The following VDAC1 variants were observed in gnomAD, a reference collection of about 807,000 sequenced individuals.
VDAC1 encodes voltage dependent anion channel 1, also known as non-selective voltage-gated ion channel VDAC1.
In VDAC1, 10 loss-of-function variants were observed where a neutral mutation model predicts 34.7. That is an observed-to-expected ratio of 0.29 (90% confidence interval 0.18 to 0.49). VDAC1 has a LOEUF of 0.49. VDAC1 is among the 20% of genes least tolerant of loss of function. The pLI is 0.99. For synonymous variants in VDAC1, 130 were observed against 136.0 expected (o/e 0.96, Z 0.30); for missense variants, 230 against 347.9 (o/e 0.66, Z 2.69).
the VDAC1 span, among the ~76,000 whole-genome samples, chr5:134,108,142 A>G: frequency 6.6e-6 from 1 of 152,138 alleles, no homozygotes; most frequent in Non-Finnish European, 1.5e-5. Context: ...TGGATTAGGA[A>G]GAGACCAGGA....
chr5:134,045,639 G>A, the VDAC1 span, among the ~76,000 whole-genome samples: 3 of 151,864 alleles, frequency 2.0e-5, no homozygotes, highest in Non-Finnish European at 4.4e-5. Context: ...CATTGGGTCT[G>A]CCTGAATAAT....
chr5:133,983,681 C>T (rs138009223), intron 5 of VDAC1, among the ~76,000 whole-genome samples: 105 of 152,248 alleles, frequency 6.9e-4, no homozygotes, highest in African/African-American at 1.9e-3. Flanking sequence ...AGAGTGACAC[C>T]GTCTTGAAAC....
intron 1 of VDAC1, among the ~76,000 whole-genome samples, chr5:133,996,381 A>G (rs1197420886): frequency 6.6e-6 from 1 of 152,176 alleles, no homozygotes; most frequent in Non-Finnish European, 1.5e-5. Flanking sequence ...TGCAAGCCCC[A>G]TTCCAGCTGA....
At chr5:134,060,117 C>G in the VDAC1 span, among the ~76,000 whole-genome samples, 1 of 151,892 alleles carries the variant, frequency 6.6e-6, no homozygotes, top group African/African-American at 2.4e-5. Flanking sequence ...GATACAGACT[C>G]TAATGAGCAC....
chr5:134,093,817 G>A, the VDAC1 span, among the ~76,000 whole-genome samples: 1 of 152,172 alleles, frequency 6.6e-6, no homozygotes, highest in African/African-American at 2.4e-5. Flanking sequence ...CCAGAGGACT[G>A]AGCCCAGGAA....
chr5:134,014,277 G>C, the VDAC1 span, among the ~76,000 whole-genome samples: 1 of 152,136 alleles, frequency 6.6e-6, no homozygotes, highest in Admixed American at 6.5e-5. Flanking sequence ...ATGACAGAGT[G>C]AGACTCCGTC....
At chr5:134,017,805 C>T in the VDAC1 span, among the ~76,000 whole-genome samples, 3 of 152,162 alleles carry the variant, frequency 2.0e-5, no homozygotes, top group East Asian at 1.9e-4. Flanking sequence ...CCCAGCTACT[C>T]GAGAGGCTGA....
At chr5:133,983,826 A>G (rs182784239) in intron 5 of VDAC1, among the ~76,000 whole-genome samples, 50 of 152,210 alleles carry the variant, frequency 3.3e-4, no homozygotes, top group Non-Finnish European at 5.6e-4. Context: ...TGTCCTCCCA[A>G]TAATGAGTTA....
chr5:133,992,274 T>C, intron 3 of VDAC1, 32 bp downstream of exon 3: 1 of 1,392,326 alleles, frequency 7.2e-7, no homozygotes, highest in Non-Finnish European at 9.4e-7. Context: ...AATAAATAAA[T>C]ACTCATGTTC....
chr5:134,048,185 G>T, the VDAC1 span, among the ~76,000 whole-genome samples: 4 of 152,002 alleles, frequency 2.6e-5, no homozygotes, highest in Non-Finnish European at 4.4e-5. Context: ...AGCCAGGATG[G>T]TCTTGATCTC....
the VDAC1 span, among the ~76,000 whole-genome samples, chr5:134,054,458 C>CTTCCTTTT: frequency 8.1e-6 from 1 of 123,544 alleles, no homozygotes; most frequent in African/African-American, 3.1e-5. Context: ...TCCTTCCTTC[C>CTTCCTTTT]TTTTTTTTTT....
the VDAC1 span, among the ~76,000 whole-genome samples, chr5:134,070,604 G>A: frequency 5.9e-5 from 9 of 152,110 alleles, no homozygotes; most frequent in Admixed American, 1.3e-4. Flanking sequence ...TTTCCTTCCA[G>A]TCTTTTTTCC....
chr5:134,100,295 G>C, the VDAC1 span, among the ~76,000 whole-genome samples: 4 of 152,230 alleles, frequency 2.6e-5, no homozygotes, highest in Non-Finnish European at 4.4e-5. Context: ...AAACCAGCCA[G>C]AGCTACCTTC....
At chr5:134,069,178 A>C in the VDAC1 span, among the ~76,000 whole-genome samples, 1 of 152,186 alleles carries the variant, frequency 6.6e-6, no homozygotes, top group Non-Finnish European at 1.5e-5. Flanking sequence ...TACAGTAATA[A>C]TCTGCCAAAT....
At chr5:134,018,434 G>A in the VDAC1 span, among the ~76,000 whole-genome samples, 4 of 152,310 alleles carry the variant, frequency 2.6e-5, no homozygotes, top group Non-Finnish European at 5.9e-5. Flanking sequence ...TCCAACATGA[G>A]ATTTGGAGGA....
At chr5:134,092,793 G>T in the VDAC1 span, among the ~76,000 whole-genome samples, 1 of 152,106 alleles carries the variant, frequency 6.6e-6, no homozygotes, top group Non-Finnish European at 1.5e-5. Flanking sequence ...AAGGAACAAA[G>T]GTATTATACT....
At chr5:133,976,148 G>C in intron 6 of VDAC1, 127 bp from the exon 7 acceptor site, 1 of 1,169,350 alleles carries the variant, frequency 8.6e-7, no homozygotes, top group Non-Finnish European at 1.2e-6. Flanking sequence ...GGTATTAAGG[G>C]AAGTCAGAAG....
the VDAC1 span, among the ~76,000 whole-genome samples, chr5:134,062,963 T>G: frequency 6.6e-6 from 1 of 152,210 alleles, no homozygotes; most frequent in Admixed American, 6.6e-5. Flanking sequence ...GAGAGGGATA[T>G]CTGTTCCTTG....
At chr5:134,009,356 G>A (rs10059450), upstream of VDAC1, among the ~76,000 whole-genome samples, 2,600 of 145,574 alleles carry the variant, frequency 0.018, 70 homozygotes, top group African/African-American at 0.064. Flanking sequence ...CCCAGGTCCT[G>A]GTTCAAGCAA....
Sources: gnomAD v4.1 joint callset for allele counts (sites outside exome capture counted in the v4.1 genomes callset) on GRCh38, gnomAD v4.1.1 for gene constraint, MANE v1.5 for transcripts, NCBI Gene and HGNC (gene_info 2026-07-23, HGNC 2026-07-21) for gene names.